Variants in TDRD3 observed in about 807,000 individuals in gnomAD.
The protein encoded by TDRD3 is tudor domain-containing protein 3.
In TDRD3, 45 loss-of-function variants were observed where a neutral mutation model predicts 86.7. The ratio of observed to expected loss-of-function variants is 0.52; its 90% CI spans 0.41 to 0.67. TDRD3 has a LOEUF of 0.67. Ranked by LOEUF, TDRD3 falls within the 30% of genes least tolerant of loss-of-function variation. The pLI is 0.00. For synonymous variants in TDRD3, 298 were observed against 301.7 expected, an observed-to-expected ratio of 0.99 and a Z score of 0.13; for missense variants, 814 against 889.0, an observed-to-expected ratio of 0.92 and a Z score of 1.07.
At chr13:60,486,093 T>C in intron 7 of TDRD3, 145 bp downstream of exon 7, 1 of 762,836 alleles carries the variant, frequency 1.3e-6, no homozygotes, top group Non-Finnish European at 1.9e-6. Context: ...TAACTGGGAA[T>C]GCCCTGCCAC....
At position 60,460,365 on chromosome 13, in the gene TDRD3, T is replaced by C; in HGVS notation, c.193-15T>C. On this transcript the variant is annotated splice_polypyrimidine_tract_variant and intron_variant, in intron 3 of 13. Coordinates refer to ENST00000377881, the MANE Select transcript of TDRD3 (RefSeq NM_001146070.2). ...ATGACTAGAAAGTGATTTTTATTCT[T>C]TTCTGTTTTGACAGCTCGAAGGTCC... 2 of 1,576,358 alleles carry C rather than the reference T, an allele frequency of 1.3e-6. No individual in the cohort carries two copies. Among genetic ancestry groups the C allele is most frequent in the Non-Finnish European group, 1.7e-6 (2 of 1,166,714 alleles).
intron 5 of TDRD3, among the ~76,000 whole-genome samples, chr13:60,474,243 C>G (rs925968665): frequency 6.6e-6 from 1 of 152,194 alleles, no homozygotes; most frequent in African/African-American, 2.4e-5. Context: ...ACACGTGACT[C>G]GCATGACCTT....
chr13:60,493,563 T>C (rs1956648844), intron 7 of TDRD3, among the ~76,000 whole-genome samples: 1 of 152,090 alleles, frequency 6.6e-6, no homozygotes, highest in African/African-American at 2.4e-5. Context: ...CTGAGGAGGC[T>C]GAGACAGGAT....
In TDRD3 at chr13:60,485,864, A is replaced by C. The variant is rs146359439; in HGVS notation, c.633A>C (p.Thr211=). The stretch of plus-strand genomic sequence containing the variant: ...ATCGAAGAAAAACATTGCAAGTTAC[A>C]ATGCCTGTCAAACCTACAAATGATA... ...ELDRRKTLQV[T]MPVKPTNDND... is the part of the protein sequence containing the mutation. The change falls in exon 7 of 14, where the codon ACA becomes ACC. Residue 211 remains threonine, a synonymous_variant. Coordinates refer to ENST00000377881, the MANE Select transcript of TDRD3 (RefSeq NM_001146070.2). 5.7e-4 allele frequency: 921 copies of C among 1,611,380 alleles called. 9 individuals are homozygous for C. In the East Asian group the frequency reaches 0.019, roughly 34 times the overall value.
intron 7 of TDRD3, among the ~76,000 whole-genome samples, chr13:60,492,427 T>G (rs1408133297): frequency 6.6e-6 from 1 of 152,090 alleles, no homozygotes; most frequent in African/African-American, 2.4e-5. Flanking sequence ...TCTCCAAATA[T>G]CCCAATGAGG....
chr13:60,487,018 T>A (rs374439293), intron 7 of TDRD3, among the ~76,000 whole-genome samples: 2 of 151,860 alleles, frequency 1.3e-5, no homozygotes, highest in African/African-American at 4.8e-5. Flanking sequence ...TTCCTAACTA[T>A]GGATTCAACC....
intron 12 of TDRD3, among the ~76,000 whole-genome samples, chr13:60,548,375 A>G (rs964727622): frequency 1.3e-5 from 2 of 152,192 alleles, no homozygotes; most frequent in Non-Finnish European, 1.5e-5. Context: ...TTATGAGGGC[A>G]TAAGAAGAGC....
intron 1 of TDRD3, among the ~76,000 whole-genome samples, chr13:60,426,330 CT>C (rs1286744064): frequency 6.6e-6 from 1 of 152,090 alleles, no homozygotes; most frequent in Non-Finnish European, 1.5e-5. Context: ...AAAAATAGAT[CT>C]GTAGGATGAA....
chr13:60,498,852 T>C (rs1169649426), intron 8 of TDRD3, among the ~76,000 whole-genome samples: 1 of 152,114 alleles, frequency 6.6e-6, no homozygotes, highest in South Asian at 2.1e-4. Context: ...ACCCAAAATG[T>C]CACTGTGGTC....
intron 7 of TDRD3, among the ~76,000 whole-genome samples, chr13:60,493,751 G>A (rs1351066750): frequency 3.3e-5 from 5 of 152,142 alleles, no homozygotes; most frequent in Non-Finnish European, 5.9e-5. Flanking sequence ...CAGTTATGAA[G>A]TTGTGTCTTT....
intron 1 of TDRD3, among the ~76,000 whole-genome samples, chr13:60,418,109 G>A (rs1025715738): frequency 6.6e-6 from 1 of 152,090 alleles, no homozygotes; most frequent in Non-Finnish European, 1.5e-5. Context: ...ACAAAGGTAT[G>A]CATAGCCTCT....
In TDRD3 at chr13:60,403,770, AGTGT is replaced by A. The variant is rs560804054; in HGVS notation, c.41+6370_41+6373del. Reference sequence around the variant, plus strand: ...TTCACATCTCTATTGGATGGATGTGAGTGTGTGTATGTACTTTTCACATGTAGTA... The same window carrying A: ...TTCACATCTCTATTGGATGGATGTGAGTGTATGTACTTTTCACATGTAGTA... On this transcript the variant is annotated intron_variant, in intron 1 of 13. Coordinates refer to ENST00000377881, the MANE Select transcript of TDRD3 (RefSeq NM_001146070.2). Among the ~76,000 whole-genome samples the A allele has an allele frequency of 4.2e-3, 637 of 152,306 alleles. 3 individuals are homozygous for A. The highest frequency in any genetic ancestry group is 7.0e-3 in the Non-Finnish European group (476 of 68,028).
At chr13:60,468,567 G>T (rs572953958) in intron 5 of TDRD3, among the ~76,000 whole-genome samples, 5 of 152,172 alleles carry the variant, frequency 3.3e-5, no homozygotes, top group Non-Finnish European at 1.5e-5. Context: ...AGTTCTGCAC[G>T]TATCTGTTGA....
At chr13:60,403,982 A>G (rs1433312404) in intron 1 of TDRD3, among the ~76,000 whole-genome samples, 1 of 152,224 alleles carries the variant, frequency 6.6e-6, no homozygotes, top group Non-Finnish European at 1.5e-5. Flanking sequence ...TTGCTGAGCT[A>G]TGATGTACAA....
chr13:60,511,407 G>C lies in TDRD3; in HGVS notation c.1141+652G>C, dbSNP rs1408854370. On this transcript the variant is annotated intron_variant, in intron 10 of 13. Coordinates refer to ENST00000377881, the MANE Select transcript of TDRD3 (RefSeq NM_001146070.2). Reference sequence around the variant, plus strand: ...TTTTATAACAAATATGAAATGTTCAGATTTCATAAAAATTGAAGCATGTTT... The same window carrying C: ...TTTTATAACAAATATGAAATGTTCACATTTCATAAAAATTGAAGCATGTTT... 5.3e-5 allele frequency among the ~76,000 whole-genome samples: 8 copies of C among 152,252 alleles called. No homozygotes were observed. The South Asian group carries it at 1.7e-3, about 32-fold the overall frequency.
At chr13:60,520,782 A>AGAGGTAAG (rs1957270979) in intron 10 of TDRD3, among the ~76,000 whole-genome samples, 1 of 152,218 alleles carries the variant, frequency 6.6e-6, no homozygotes, top group South Asian at 2.1e-4. Flanking sequence ...AGTGAAGGAA[A>AGAGGTAAG]GAGGTAAGTA....
At chr13:60,467,993 G>A (rs372889757) in intron 5 of TDRD3, among the ~76,000 whole-genome samples, 9 of 151,438 alleles carry the variant, frequency 5.9e-5, no homozygotes, top group South Asian at 2.1e-4. Context: ...TAGGTCTTTA[G>A]TATCTCTTGC....
At chr13:60,477,324 C>T (rs1342409600) in intron 5 of TDRD3, among the ~76,000 whole-genome samples, 2 of 151,966 alleles carry the variant, frequency 1.3e-5, no homozygotes, top group South Asian at 2.1e-4. Flanking sequence ...AAGGGATCCT[C>T]CTGCCTCAGT....
At chr13:60,397,058 G>A, upstream of TDRD3, 1 of 289,460 alleles carries the variant, frequency 3.5e-6, no homozygotes, top group Non-Finnish European at 6.4e-6. Context: ...AAGCCTTCGG[G>A]GAAGAGGCAA....
Sources: gnomAD v4.1 joint callset for allele counts (sites outside exome capture counted in the v4.1 genomes callset) on GRCh38, gnomAD v4.1.1 for gene constraint, MANE v1.5 for transcripts, NCBI Gene and HGNC (gene_info 2026-07-23, HGNC 2026-07-21) for gene names.